GRID2: variants seen among roughly 807,000 people sequenced by gnomAD.
GRID2 encodes the protein glutamate ionotropic receptor delta type subunit 2.
Under a neutral mutation model 114.8 loss-of-function variants are expected in GRID2, and 33 were observed. That is an observed-to-expected ratio of 0.29 (90% confidence interval 0.22 to 0.38). The LOEUF (loss-of-function observed/expected upper bound fraction) is 0.38. GRID2 is among the 10% of genes least tolerant of loss of function. The probability of loss-of-function intolerance (pLI) is 1.00; values close to 1 mark genes in which losing one functional copy is unlikely to be tolerated. For synonymous variants in GRID2, 505 were observed against 449.9 expected (o/e 1.12, Z -1.55); for missense variants, 1,184 against 1,257.7 (o/e 0.94, Z 0.89).
At chr4:93,650,962 C>A (rs573150199) in intron 14 of GRID2, among the ~76,000 whole-genome samples, 1 of 152,030 alleles carries the variant, frequency 6.6e-6, no homozygotes, top group African/African-American at 2.4e-5. Context: ...TTACTGAATG[C>A]GAAATGATCA....
chr4:93,606,086 G>C (rs1048194238), intron 13 of GRID2, among the ~76,000 whole-genome samples: 2 of 152,062 alleles, frequency 1.3e-5, no homozygotes, highest in Admixed American at 6.6e-5. Context: ...GGCCAACATG[G>C]TGATACCCCA....
intron 1 of GRID2, among the ~76,000 whole-genome samples, chr4:92,434,258 A>G (rs1361052900): frequency 6.6e-6 from 1 of 152,100 alleles, no homozygotes; most frequent in Non-Finnish European, 1.5e-5. Flanking sequence ...TCTGATGGCC[A>G]CACAGCAAAA....
chr4:92,649,877 C>T (rs974004460), intron 2 of GRID2, among the ~76,000 whole-genome samples: 1 of 151,966 alleles, frequency 6.6e-6, no homozygotes, highest in Non-Finnish European at 1.5e-5. Flanking sequence ...TCTTATGTCT[C>T]TGTAAACTCT....
rs574744038 is a variant in GRID2, at chr4:93,254,795, A to G, written c.1245+16305A>G. 2.6e-5 allele frequency among the ~76,000 whole-genome samples: 4 copies of G among 152,216 alleles called. No individual in the cohort carries two copies. The East Asian group carries it at 5.8e-4, about 22-fold the overall frequency. On this transcript the variant is annotated intron_variant, in intron 8 of 15. Transcript: ENST00000282020. ...CTCATGTAAAGTGTTACGTTTATGT[A>G]TACTTTTTTCTTCCAAGGCAAATTG...
At chr4:93,521,396 T>C (rs1391581869) in intron 13 of GRID2, among the ~76,000 whole-genome samples, 1 of 152,050 alleles carries the variant, frequency 6.6e-6, no homozygotes, top group Non-Finnish European at 1.5e-5. Flanking sequence ...TAACAAAGCA[T>C]CAGGAAACTA....
chr4:92,717,744 A>T (rs2149314931), intron 2 of GRID2, among the ~76,000 whole-genome samples: 1 of 152,324 alleles, frequency 6.6e-6, no homozygotes, highest in African/African-American at 2.4e-5. Flanking sequence ...CTACAAGAAA[A>T]TAGTGTTTTA....
intron 8 of GRID2, among the ~76,000 whole-genome samples, chr4:93,245,291 T>A (rs1579410211): frequency 6.6e-6 from 1 of 152,162 alleles, no homozygotes; most frequent in East Asian, 1.9e-4. Context: ...TCTGCATCTG[T>A]AAGTTTAGCA....
At chr4:92,792,822 A>G (rs1291728000) in intron 2 of GRID2, among the ~76,000 whole-genome samples, 2 of 151,590 alleles carry the variant, frequency 1.3e-5, no homozygotes, top group African/African-American at 2.4e-5. Context: ...TCATAATGCC[A>G]GTCTACGATC....
rs140708316 is a variant in GRID2 at position 93,454,449 on chromosome 4, C to T, written c.1546-1213C>T. Among the ~76,000 whole-genome samples the T allele has an allele frequency of 3.2e-4, 48 of 151,960 alleles. 1 individual carries two copies. Among genetic ancestry groups the T allele is most frequent in the Non-Finnish European group, 3.4e-4 (23 of 67,914 alleles). ...TTCTAAGGTTTAGTTTCTCCACTTA[C>T]GAAATGGAGAGGAAAACACATAATT... is the stretch of plus-strand genomic sequence containing the variant. On this transcript the variant is annotated intron_variant, in intron 10 of 15. Transcript: ENST00000282020.
intron 2 of GRID2, among the ~76,000 whole-genome samples, chr4:92,941,552 TTG>T (rs1311542682): frequency 6.6e-6 from 1 of 152,168 alleles, no homozygotes; most frequent in Non-Finnish European, 1.5e-5. Flanking sequence ...GAAGGGTTAT[TTG>T]TGTCTCTATT....
chr4:92,856,296 C>G (rs913872966), intron 2 of GRID2, among the ~76,000 whole-genome samples: 1 of 152,084 alleles, frequency 6.6e-6, no homozygotes, highest in African/African-American at 2.4e-5. Context: ...TACCCACTAT[C>G]TAATATCAGG....
Position 93,267,166 on chromosome 4 carries a change from C to CTTT in GRID2, c.1245+28686_1245+28688dup, listed in dbSNP as rs34529462. Among the ~76,000 whole-genome samples, 153 of 143,176 alleles carry CTTT rather than the reference C, an allele frequency of 1.1e-3. 1 individual carries two copies. The highest frequency in any genetic ancestry group is 3.8e-3 in the African/African-American group (147 of 38,968). The allele number at this position is 143,176 out of a possible 152,430, so 93.9% of individuals were successfully genotyped here. ...GTTCCATTGAATAGTACACACATTT[C>CTTT]TTTTTTTTTTTTAATTTTATTATTT... On this transcript the variant is annotated intron_variant, in intron 8 of 15. Coordinates refer to ENST00000282020, the MANE Select transcript of GRID2 (RefSeq NM_001510.4).
intron 2 of GRID2, among the ~76,000 whole-genome samples, chr4:92,601,878 A>G (rs763691684): frequency 3.9e-5 from 6 of 152,146 alleles, no homozygotes; most frequent in Non-Finnish European, 5.9e-5. Context: ...AGAATACTAT[A>G]AACACCTCTA....
intron 4 of GRID2, among the ~76,000 whole-genome samples, chr4:93,178,380 ATT>A (rs11428288): frequency 3.9e-3 from 198 of 50,276 alleles, no homozygotes; most frequent in African/African-American, 0.014. Context: ...TTGAAAATAG[ATT>A]TTTTTTTTTT....
intron 14 of GRID2, among the ~76,000 whole-genome samples, chr4:93,703,273 A>G (rs1425740956): frequency 6.6e-6 from 1 of 152,128 alleles, no homozygotes; most frequent in Non-Finnish European, 1.5e-5. Flanking sequence ...TTTTGGGGGT[A>G]TATAGTAGGT....
At chr4:93,454,267 A>G (rs1406258403) in intron 10 of GRID2, among the ~76,000 whole-genome samples, 1 of 152,066 alleles carries the variant, frequency 6.6e-6, no homozygotes, top group Admixed American at 6.6e-5. Flanking sequence ...CCTAGAACCA[A>G]TTACCCTGAG....
At chr4:92,998,313 T>G (rs566769599) in intron 2 of GRID2, among the ~76,000 whole-genome samples, 1 of 152,066 alleles carries the variant, frequency 6.6e-6, no homozygotes, top group South Asian at 2.1e-4. Context: ...TTTTGAACTA[T>G]TTTCACTGAT....
chr4:93,031,155 C>T (rs1724392520), intron 2 of GRID2, among the ~76,000 whole-genome samples: 1 of 150,912 alleles, frequency 6.6e-6, no homozygotes, highest in Non-Finnish European at 1.5e-5. Flanking sequence ...TAGTGATCCT[C>T]CTGCCTCTGT....
At chr4:93,627,510 C>G (rs1742833330) in intron 14 of GRID2, among the ~76,000 whole-genome samples, 1 of 152,258 alleles carries the variant, frequency 6.6e-6, no homozygotes, top group African/African-American at 2.4e-5. Flanking sequence ...TACTAGTCAG[C>G]TTTTCTGTGT....
Sources: allele counts gnomAD v4.1 joint callset (sites outside exome capture counted in the v4.1 genomes callset), GRCh38; gene constraint gnomAD v4.1.1; transcripts MANE v1.5; gene names NCBI Gene and HGNC (gene_info 2026-07-23, HGNC 2026-07-21).